CACUL1: variants seen among roughly 807,000 people sequenced by gnomAD.
CACUL1 encodes the protein CDK2-associated and cullin domain-containing protein 1.
In CACUL1, 13 loss-of-function variants were observed where a neutral mutation model predicts 45.2. The ratio of observed to expected loss-of-function variants is 0.29; its 90% CI spans 0.19 to 0.46. CACUL1 has a LOEUF of 0.46. Ranked by LOEUF, CACUL1 falls within the 20% of genes least tolerant of loss-of-function variation. The pLI, the probability that CACUL1 is intolerant of heterozygous loss-of-function variation, is 1.00. For missense variants in CACUL1, 421 were observed against 471.4 expected, an observed-to-expected ratio of 0.89 and a Z score of 0.99; for synonymous variants, 197 against 174.2, an observed-to-expected ratio of 1.13 and a Z score of -1.03.
chr10:118,686,281 G>A, intron 8 of CACUL1, 113 bp from the exon 9 acceptor site: 1 of 946,316 alleles, frequency 1.1e-6, no homozygotes, highest in East Asian at 2.5e-5. Context: ...CCCCAAAAAA[G>A]GCTTAAAAAA....
At chr10:118,752,243 C>G (rs1398894879) in intron 1 of CACUL1, among the ~76,000 whole-genome samples, 1 of 152,114 alleles carries the variant, frequency 6.6e-6, no homozygotes, top group Non-Finnish European at 1.5e-5. Flanking sequence ...TGTTACGGAT[C>G]TTAAAGTATA....
intron 1 of CACUL1, among the ~76,000 whole-genome samples, chr10:118,751,944 A>G (rs60462192): frequency 0.18 from 27,413 of 152,134 alleles, 3,127 homozygotes; most frequent in African/African-American, 0.3. Context: ...TGCTATTATT[A>G]CATATAGTAT....
chr10:118,704,736 C>G (rs1845417369), intron 4 of CACUL1, among the ~76,000 whole-genome samples: 1 of 152,212 alleles, frequency 6.6e-6, no homozygotes, highest in Admixed American at 6.5e-5. Context: ...CATAAAAGGC[C>G]TCAGACTCAG....
intron 1 of CACUL1, among the ~76,000 whole-genome samples, chr10:118,749,035 T>C (rs1290697475): frequency 1.3e-5 from 2 of 152,092 alleles, no homozygotes; most frequent in Non-Finnish European, 2.9e-5. Context: ...AAGAAAGGAA[T>C]ATAAATTTGT....
intron 5 of CACUL1, 67 bp downstream of exon 5, chr10:118,701,239 C>CA (rs371279380): frequency 0.012 from 8,581 of 734,256 alleles, 6 homozygotes; most frequent in South Asian, 0.022. Context: ...GCTCTCAGAC[C>CA]AAAAAAAAAA....
chr10:118,685,265 G>A lies in CACUL1; in HGVS notation c.*863C>T, dbSNP rs1386865058. Reference sequence around the variant, plus strand: ...AAACTAGAGTACTGCCAATACTATAGCAGCTGGTGACAGACATCGTGTTAA... The same window carrying A: ...AAACTAGAGTACTGCCAATACTATAACAGCTGGTGACAGACATCGTGTTAA... On this transcript the variant is annotated 3_prime_UTR_variant, in exon 9 of 9. Transcript: ENST00000369151. 1 of 125,420 alleles carries A rather than the reference G, an allele frequency of 8.0e-6. No individual in the cohort carries two copies. Among genetic ancestry groups the A allele is most frequent in the Non-Finnish European group, 1.8e-5 (1 of 55,174 alleles). The allele number at this position is 125,420 out of a possible 1,614,324, so 7.8% of individuals were successfully genotyped here.
intron 1 of CACUL1, among the ~76,000 whole-genome samples, chr10:118,730,754 C>A (rs945648068): frequency 5.3e-5 from 8 of 152,118 alleles, no homozygotes; most frequent in African/African-American, 1.9e-4. Context: ...ATACACACTG[C>A]CAATTATGTG....
chr10:118,694,900 A>G (rs926243222), intron 6 of CACUL1: 4 of 354,878 alleles, frequency 1.1e-5, no homozygotes, highest in Admixed American at 3.9e-5. Context: ...GTATCCTACA[A>G]TTTATTTCTT....
At chr10:118,746,136 A>G (rs1845841057) in intron 1 of CACUL1, among the ~76,000 whole-genome samples, 1 of 139,106 alleles carries the variant, frequency 7.2e-6, no homozygotes. Flanking sequence ...TGGGCAACAG[A>G]GCGAGACACT....
rs932733322 is a variant in CACUL1, at chr10:118,677,104, T to A, written c.*9024A>T. On this transcript the variant is annotated 3_prime_UTR_variant, in exon 9 of 9. Transcript: ENST00000369151. ...AATTATACCAGCACCTTTCATAAAA[T>A]AATTGACCATGGACAGCATGATTTC... 1.3e-5 allele frequency: 2 copies of A among 152,238 alleles called. No homozygotes were observed. Among genetic ancestry groups the A allele is most frequent in the African/African-American group, 2.4e-5 (1 of 41,468 alleles). The allele number at this position is 152,238 out of a possible 1,614,324, so 9.4% of individuals were successfully genotyped here.
chr10:118,693,845 C>T, intron 6 of CACUL1: 1 of 426,658 alleles, frequency 2.3e-6, no homozygotes, highest in Non-Finnish European at 4.7e-6. Flanking sequence ...GAAAGTAAAG[C>T]TCAAACCCTA....
At position 118,677,622 on chromosome 10, in the gene CACUL1, A is replaced by T. The variant is rs140893059; in HGVS notation, c.*8506T>A. ...CTGATTTTGAACTTTACATAAAGGT[A>T]CCCATGCTGGCTCTATTCTGACTTC... On this transcript the variant is annotated 3_prime_UTR_variant, in exon 9 of 9. Transcript: ENST00000369151. The T allele has an allele frequency of 6.6e-6, 1 of 152,198 alleles. No individual in the cohort carries two copies. The highest frequency in any genetic ancestry group is 1.5e-5 in the Non-Finnish European group (1 of 68,048). The allele number at this position is 152,198 out of a possible 1,614,324, so 9.4% of individuals were successfully genotyped here.
intron 1 of CACUL1, among the ~76,000 whole-genome samples, chr10:118,731,984 C>G (rs796120410): frequency 3.3e-5 from 5 of 152,228 alleles, no homozygotes; most frequent in African/African-American, 1.2e-4. Flanking sequence ...CAAAAAGAAC[C>G]GTACATGCAC....
intron 1 of CACUL1, among the ~76,000 whole-genome samples, chr10:118,745,976 A>G (rs1845839416): frequency 6.8e-6 from 1 of 146,444 alleles, no homozygotes. Context: ...ATCTCTACTA[A>G]AAAAAAAAAT....
rs527355151 is a variant in CACUL1, at chr10:118,686,039, T to C, written c.*89A>G. 49 of 847,718 alleles carry C rather than the reference T, an allele frequency of 5.8e-5. No homozygotes were observed. In the African/African-American group the frequency reaches 7.4e-4, roughly 13 times the overall value. 52.5% of individuals were successfully genotyped at this position (847,718 alleles called of 1,614,324 possible). On this transcript the variant is annotated 3_prime_UTR_variant, in exon 9 of 9. Transcript: ENST00000369151. The stretch of plus-strand genomic sequence containing the variant: ...ACAGCTTTGTGACAGAGCTCCTGAG[T>C]GTGTGCAGCCCCCACTGTGCTCTGA...
At chr10:118,749,724 A>C (rs1460401916) in intron 1 of CACUL1, among the ~76,000 whole-genome samples, 1 of 152,246 alleles carries the variant, frequency 6.6e-6, no homozygotes, top group Non-Finnish European at 1.5e-5. Context: ...CACTGGCTCT[A>C]AGCCAATACG....
intron 3 of CACUL1, among the ~76,000 whole-genome samples, chr10:118,721,285 G>A (rs910983061): frequency 1.3e-5 from 2 of 152,202 alleles, no homozygotes; most frequent in African/African-American, 4.8e-5. Flanking sequence ...CAGTTTATTG[G>A]CAATCTGGCA....
At chr10:118,731,845 C>T (rs1845700144) in intron 1 of CACUL1, among the ~76,000 whole-genome samples, 1 of 152,106 alleles carries the variant, frequency 6.6e-6, no homozygotes, top group South Asian at 2.1e-4. Flanking sequence ...TTTAAAAAAT[C>T]AACAAGGCTG....
At chr10:118,694,387 T>C (rs1037517199) in intron 6 of CACUL1, among the ~76,000 whole-genome samples, 2 of 152,260 alleles carry the variant, frequency 1.3e-5, no homozygotes, top group Non-Finnish European at 2.9e-5. Flanking sequence ...TTTTATTTCA[T>C]TTAATCCTCA....
Sources: gnomAD v4.1 joint callset for allele counts (sites outside exome capture counted in the v4.1 genomes callset) on GRCh38, gnomAD v4.1.1 for gene constraint, MANE v1.5 for transcripts, NCBI Gene and HGNC (gene_info 2026-07-23, HGNC 2026-07-21) for gene names.